Variants in FCHO2 observed in about 807,000 individuals in gnomAD.
The protein encoded by FCHO2 is F-BAR domain only protein 2.
Under a neutral mutation model 114.1 loss-of-function variants are expected in FCHO2, and 43 were observed. The observed-to-expected ratio is 0.38, with a 90% CI of 0.30 to 0.49. FCHO2 has a LOEUF of 0.49. Ranked by LOEUF, FCHO2 falls within the 20% of genes least tolerant of loss-of-function variation. The pLI, the probability that FCHO2 is intolerant of heterozygous loss-of-function variation, is 0.97. For synonymous variants in FCHO2, 293 were observed against 315.2 expected, an observed-to-expected ratio of 0.93 and a Z score of 0.75; for missense variants, 807 against 950.4, an observed-to-expected ratio of 0.85 and a Z score of 1.98.
intron 6 of FCHO2, among the ~76,000 whole-genome samples, chr5:73,010,207 G>T (rs899392917): frequency 2.0e-5 from 3 of 152,172 alleles, no homozygotes; most frequent in African/African-American, 7.2e-5. Context: ...ACTAGTGGGA[G>T]AAGATCATTG....
intron 2 of FCHO2, among the ~76,000 whole-genome samples, chr5:72,986,460 C>T (rs1753527307): frequency 6.6e-6 from 1 of 152,200 alleles, no homozygotes; most frequent in African/African-American, 2.4e-5. Context: ...GCTACCTCTT[C>T]TGGATACCCC....
intron 11 of FCHO2, among the ~76,000 whole-genome samples, chr5:73,044,359 C>T (rs544177647): frequency 1.4e-4 from 21 of 152,308 alleles, no homozygotes; most frequent in African/African-American, 5.1e-4. Context: ...CCATTCCAGC[C>T]TCCTGAGTAG....
intron 2 of FCHO2, among the ~76,000 whole-genome samples, chr5:72,978,685 A>C (rs1215833083): frequency 1.3e-5 from 2 of 151,934 alleles, no homozygotes; most frequent in African/African-American, 4.8e-5. Context: ...TTGTTTTGTG[A>C]TGGATTTCAA....
chr5:72,968,674 T>TCCAAA, intron 2 of FCHO2, 85 bp downstream of exon 2: 1 of 945,100 alleles, frequency 1.1e-6, no homozygotes, highest in Non-Finnish European at 1.5e-6. Flanking sequence ...AAAACTTTAT[T>TCCAAA]TGGATTTGGA....
intron 8 of FCHO2, among the ~76,000 whole-genome samples, chr5:73,031,541 A>G (rs1756242220): frequency 6.6e-6 from 1 of 152,222 alleles, no homozygotes; most frequent in African/African-American, 2.4e-5. Context: ...GTGATCAAAG[A>G]TTACCGTTCA....
At chr5:73,069,501 A>C (rs1376172360) in intron 19 of FCHO2, among the ~76,000 whole-genome samples, 3 of 151,990 alleles carry the variant, frequency 2.0e-5, no homozygotes, top group African/African-American at 7.2e-5. Context: ...TTCTCATAAG[A>C]GTGCGCAACC....
Position 73,051,359 on chromosome 5 carries a change from A to G in FCHO2, c.950A>G (p.Asp317Gly). Reference sequence around the variant, plus strand: ...TTCTTTTTCCCTTAGAACATTCCTGATGTAGATGAAGAAGGCTACAGTATT... The same window carrying G: ...TTCTTTTTCCCTTAGAACATTCCTGGTGTAGATGAAGAAGGCTACAGTATT... ...CPDADSLNIP[D>G]VDEEGYSIKP... The change falls in exon 12 of 26, where the codon GAT becomes GGT. Residue 317 changes from aspartate to glycine, a missense_variant. Coordinates refer to ENST00000430046, the MANE Select transcript of FCHO2 (RefSeq NM_138782.3). 1 of 1,529,622 alleles carries G rather than the reference A, an allele frequency of 6.5e-7. No individual in the cohort carries two copies. The highest frequency in any genetic ancestry group is 1.2e-5 in the South Asian group (1 of 82,308). The allele number at this position is 1,529,622 out of a possible 1,614,324, so 94.8% of individuals were successfully genotyped here. A position where few individuals can be genotyped will look rare whatever the true frequency, so the allele number is the denominator to read the frequency against.
At chr5:72,994,376 GA>G (rs1396787701) in intron 5 of FCHO2, among the ~76,000 whole-genome samples, 3 of 152,112 alleles carry the variant, frequency 2.0e-5, no homozygotes, top group African/African-American at 7.2e-5. Flanking sequence ...ACAAGCATAT[GA>G]AAAAAAGCTC....
chr5:72,975,530 C>T (rs916160707), intron 2 of FCHO2, among the ~76,000 whole-genome samples: 9 of 151,860 alleles, frequency 5.9e-5, no homozygotes, highest in East Asian at 3.9e-4. Context: ...GACAGAGTCT[C>T]GCTCTGTTAC....
At chr5:73,019,910 G>A (rs1204064247) in intron 8 of FCHO2, among the ~76,000 whole-genome samples, 3 of 152,148 alleles carry the variant, frequency 2.0e-5, no homozygotes, top group Non-Finnish European at 4.4e-5. Context: ...AGAGGCCAGA[G>A]GTAGAGTGAT....
At chr5:72,999,901 T>C (rs1754337968) in intron 5 of FCHO2, among the ~76,000 whole-genome samples, 1 of 152,252 alleles carries the variant, frequency 6.6e-6, no homozygotes, top group African/African-American at 2.4e-5. Flanking sequence ...AAAGCCACTC[T>C]TGCTTATGAG....
intron 5 of FCHO2, among the ~76,000 whole-genome samples, chr5:73,002,855 A>C (rs1482148546): frequency 2.0e-5 from 3 of 152,214 alleles, no homozygotes; most frequent in Non-Finnish European, 1.5e-5. Context: ...AGAGGGTTGA[A>C]TGGTAAGTTG....
intron 2 of FCHO2, among the ~76,000 whole-genome samples, chr5:72,986,055 T>A (rs1281778454): frequency 6.6e-6 from 1 of 152,174 alleles, no homozygotes; most frequent in East Asian, 1.9e-4. Context: ...TGAACTTCAA[T>A]GTTGGATAAA....
In FCHO2 at chr5:73,058,467, C is replaced by A; in HGVS notation, c.1288C>A (p.Leu430Ile). ...GTSDLLAWDP[L>I]FGPSLDSSSS... ...CAGTGATTTACTTGCTTGGGACCCC[C>A]TATTTGGACCATCTCTTGATTCATC... Residue 430 changes from leucine to isoleucine, a missense_variant, in exon 17 of 26, where the codon CTA becomes ATA. By Grantham distance (5) the Leu-to-Ile change is conservative. Transcript: ENST00000430046. The A allele has an allele frequency of 3.2e-6, 5 of 1,575,112 alleles. No homozygotes were observed. The highest frequency in any genetic ancestry group is 4.3e-6 in the Non-Finnish European group (5 of 1,158,202).
At chr5:73,010,591 G>A (rs1754952979) in intron 6 of FCHO2, among the ~76,000 whole-genome samples, 1 of 151,886 alleles carries the variant, frequency 6.6e-6, no homozygotes, top group South Asian at 2.1e-4. Context: ...ATGTACTTAT[G>A]CCTGGCCAGG....
chr5:73,043,085 T>C (rs890610910), intron 11 of FCHO2, among the ~76,000 whole-genome samples: 2 of 152,030 alleles, frequency 1.3e-5, no homozygotes, highest in African/African-American at 4.8e-5. Context: ...CATGTCACCA[T>C]GCCCAGCTGA....
At chr5:72,994,894 T>C (rs948530875) in intron 5 of FCHO2, among the ~76,000 whole-genome samples, 19 of 152,106 alleles carry the variant, frequency 1.2e-4, no homozygotes, top group Non-Finnish European at 2.4e-4. Flanking sequence ...TTCTCACTTA[T>C]AAGTGGGAAC....
chr5:73,028,262 A>G (rs1331287283), intron 8 of FCHO2, among the ~76,000 whole-genome samples: 1 of 152,182 alleles, frequency 6.6e-6, no homozygotes, highest in Non-Finnish European at 1.5e-5. Flanking sequence ...GAAACTCACA[A>G]AGACTGCTGG....
chr5:72,994,327 T>C (rs1753966463), intron 5 of FCHO2, among the ~76,000 whole-genome samples: 1 of 152,062 alleles, frequency 6.6e-6, no homozygotes, highest in Non-Finnish European at 1.5e-5. Flanking sequence ...GCAAAGGACA[T>C]GAACAGACAC....
Sources: allele counts gnomAD v4.1 joint callset (sites outside exome capture counted in the v4.1 genomes callset), GRCh38; gene constraint gnomAD v4.1.1; transcripts MANE v1.5; gene names NCBI Gene and HGNC (gene_info 2026-07-23, HGNC 2026-07-21).